The following CNBD1 variants were observed in gnomAD, a reference collection of about 807,000 sequenced individuals.
The protein encoded by CNBD1 is cyclic nucleotide-binding domain-containing protein 1.
CNBD1 carries 71 observed loss-of-function variants against 54.4 expected under a neutral mutation model. The ratio of observed to expected loss-of-function variants is 1.30; its 90% CI spans 1.08 to 1.59. The LOEUF is 1.59. Ranked by LOEUF, CNBD1 falls within the 40% of genes most tolerant of loss-of-function variation. The probability of loss-of-function intolerance (pLI) is 0.00; values close to 1 mark genes in which losing one functional copy is unlikely to be tolerated. For synonymous variants in CNBD1, 182 were observed against 170.7 expected, an observed-to-expected ratio of 1.07 and a Z score of -0.51; for missense variants, 659 against 518.0, an observed-to-expected ratio of 1.27 and a Z score of -2.64.
At chr8:86,932,253 C>T (rs187349733) in intron 3 of CNBD1, among the ~76,000 whole-genome samples, 2 of 152,240 alleles carry the variant, frequency 1.3e-5, no homozygotes, top group East Asian at 3.9e-4. Context: ...TGAAAACTTC[C>T]CCAGGTCTAC....
intron 4 of CNBD1, among the ~76,000 whole-genome samples, chr8:87,164,057 AT>A (rs1363623139): frequency 1.3e-5 from 2 of 151,886 alleles, no homozygotes; most frequent in Non-Finnish European, 2.9e-5. Flanking sequence ...AATTGATCAT[AT>A]TATTTTTATC....
intron 4 of CNBD1, among the ~76,000 whole-genome samples, chr8:87,058,928 A>G (rs1421539724): frequency 6.6e-6 from 1 of 152,172 alleles, no homozygotes; most frequent in African/African-American, 2.4e-5. Flanking sequence ...TTTCTATTGC[A>G]TCATCAGTCT....
downstream of CNBD1, among the ~76,000 whole-genome samples, chr8:87,385,984 A>G (rs889337814): frequency 1.3e-5 from 2 of 152,100 alleles, no homozygotes; most frequent in African/African-American, 4.8e-5. Flanking sequence ...TGCAGCCTCC[A>G]CTGCTGATAC....
chr8:87,184,388 A>G (rs1015109704), intron 4 of CNBD1, among the ~76,000 whole-genome samples: 4 of 152,254 alleles, frequency 2.6e-5, no homozygotes, highest in Admixed American at 6.5e-5. Context: ...CTGCAGGCCC[A>G]GCTGCTAATA....
chr8:87,247,235 A>C (rs1027042057), intron 6 of CNBD1, among the ~76,000 whole-genome samples: 1 of 152,140 alleles, frequency 6.6e-6, no homozygotes, highest in African/African-American at 2.4e-5. Context: ...AGCACGGACA[A>C]AGTCCATTCA....
At chr8:87,337,926 A>G (rs1350918223) in intron 8 of CNBD1, among the ~76,000 whole-genome samples, 1 of 151,962 alleles carries the variant, frequency 6.6e-6, no homozygotes, top group Non-Finnish European at 1.5e-5. Flanking sequence ...GACCCCACCC[A>G]CCAATATTTG....
At chr8:87,164,222 T>C (rs1259762658) in intron 4 of CNBD1, among the ~76,000 whole-genome samples, 14 of 151,936 alleles carry the variant, frequency 9.2e-5, no homozygotes, top group Admixed American at 9.2e-4. Context: ...TTTTTTTGCA[T>C]CCATGTTTAT....
intron 8 of CNBD1, among the ~76,000 whole-genome samples, chr8:87,339,418 C>T (rs1810019756): frequency 6.6e-6 from 1 of 151,180 alleles, no homozygotes; most frequent in African/African-American, 2.5e-5. Context: ...GGTTTCTGCT[C>T]TGTTAAGTTT....
intron 8 of CNBD1, among the ~76,000 whole-genome samples, chr8:87,303,064 A>G (rs1809046889): frequency 6.6e-6 from 1 of 151,950 alleles, no homozygotes; most frequent in Non-Finnish European, 1.5e-5. Flanking sequence ...ATACTGCCCA[A>G]GGTAATTTAT....
chr8:87,381,385 T>G (rs1405226434), intron 10 of CNBD1, among the ~76,000 whole-genome samples: 1 of 151,964 alleles, frequency 6.6e-6, no homozygotes, highest in Non-Finnish European at 1.5e-5. Flanking sequence ...AAGAGAAGTG[T>G]TGACAGGGAT....
chr8:87,074,387 T>C (rs752888960), intron 4 of CNBD1, among the ~76,000 whole-genome samples: 1 of 152,182 alleles, frequency 6.6e-6, no homozygotes, highest in Non-Finnish European at 1.5e-5. Flanking sequence ...TGCAGAATGA[T>C]GCTGCTTGGC....
At chr8:87,225,956 G>C (rs1457025179) in intron 5 of CNBD1, among the ~76,000 whole-genome samples, 1 of 150,810 alleles carries the variant, frequency 6.6e-6, no homozygotes, top group Non-Finnish European at 1.5e-5. Flanking sequence ...ACTTCTTCCT[G>C]GTTTAGTCTT....
intron 4 of CNBD1, among the ~76,000 whole-genome samples, chr8:87,072,307 AAAGT>A (rs1260984561): frequency 3.9e-5 from 6 of 152,134 alleles, no homozygotes; most frequent in African/African-American, 1.2e-4. Context: ...ATTTACATAT[AAAGT>A]AAGTATTATT....
intron 4 of CNBD1, among the ~76,000 whole-genome samples, chr8:86,940,532 G>T (rs767960146): frequency 2.6e-4 from 40 of 152,062 alleles, no homozygotes; most frequent in Admixed American, 1.3e-3. Flanking sequence ...AAGAAGGAGG[G>T]GTGTGGAGGA....
At chr8:87,238,007 C>T (rs1440079442) in intron 6 of CNBD1, among the ~76,000 whole-genome samples, 1 of 141,226 alleles carries the variant, frequency 7.1e-6, no homozygotes, top group Non-Finnish European at 1.5e-5. Context: ...CTATTTTAGT[C>T]TGCTCTAGCA....
chr8:87,202,392 G>T (rs189326242), intron 4 of CNBD1, among the ~76,000 whole-genome samples: 59 of 152,304 alleles, frequency 3.9e-4, no homozygotes, highest in Non-Finnish European at 1.2e-4. Context: ...TAAAAACATT[G>T]TCAGGAACTT....
Position 87,294,365 on chromosome 8 carries a change from T to C in CNBD1, c.1042+7694T>C, listed in dbSNP as rs993201312. The stretch of plus-strand genomic sequence containing the variant: ...TTCAGATCTCTACCAGAGTGCTCTG[T>C]TGCTGCACAGATGCATATGTCTGTG... On this transcript the variant is annotated intron_variant, in intron 8 of 10. Transcript: ENST00000518476. Among the ~76,000 whole-genome samples the C allele has an allele frequency of 1.2e-4, 19 of 152,310 alleles. No individual in the cohort carries two copies. The East Asian group carries it at 2.5e-3, about 20-fold the overall frequency.
downstream of CNBD1, among the ~76,000 whole-genome samples, chr8:87,384,776 A>G (rs899555529): frequency 3.9e-5 from 6 of 152,202 alleles, no homozygotes; most frequent in Admixed American, 6.5e-5. Flanking sequence ...TGAAAGGTCA[A>G]TAAGATAGAA....
chr8:87,365,126 C>T (rs1024075789), intron 10 of CNBD1, among the ~76,000 whole-genome samples: 10 of 151,992 alleles, frequency 6.6e-5, no homozygotes, highest in African/African-American at 2.4e-4. Context: ...TATAAGTGTC[C>T]CCTTTTCTCC....
Sources: allele counts gnomAD v4.1 joint callset (sites outside exome capture counted in the v4.1 genomes callset), GRCh38; gene constraint gnomAD v4.1.1; transcripts MANE v1.5; gene names NCBI Gene and HGNC (gene_info 2026-07-23, HGNC 2026-07-21).